The following NALCN variants were observed in gnomAD, a reference collection of about 807,000 sequenced individuals.
The protein encoded by NALCN is sodium leak channel, non-selective, also known as sodium leak channel NALCN.
A neutral mutation model predicts 225.3 loss-of-function variants in NALCN; 111 were observed. The observed-to-expected ratio is 0.49, with a 90% confidence interval of 0.42 to 0.58. The LOEUF is 0.58. Among genes scored for constraint, NALCN ranks in the 20% least tolerant of loss-of-function variants. NALCN has a pLI of 0.00. For synonymous variants in NALCN, 764 were observed against 769.0 expected (o/e 0.99, Z 0.11); for missense variants, 1,378 against 2,202.4 (o/e 0.63, Z 7.49).
At chr13:101,215,415 A>G (rs1334045455) in intron 13 of NALCN, among the ~76,000 whole-genome samples, 1 of 152,174 alleles carries the variant, frequency 6.6e-6, no homozygotes, top group East Asian at 1.9e-4. Flanking sequence ...AAGCAGCTTA[A>G]CACTCATTTG....
At chr13:101,338,217 G>A (rs543530883) in intron 7 of NALCN, among the ~76,000 whole-genome samples, 1 of 152,206 alleles carries the variant, frequency 6.6e-6, no homozygotes, top group Non-Finnish European at 1.5e-5. Context: ...TAGTGTTAAG[G>A]GCATATGTTG....
intron 7 of NALCN, among the ~76,000 whole-genome samples, chr13:101,294,225 G>A (rs541660039): frequency 2.0e-5 from 3 of 152,266 alleles, no homozygotes; most frequent in Admixed American, 6.5e-5. Flanking sequence ...TACAAACATA[G>A]AGTTAGATAG....
At chr13:101,314,284 A>T (rs1392803105) in intron 7 of NALCN, among the ~76,000 whole-genome samples, 1 of 152,118 alleles carries the variant, frequency 6.6e-6, no homozygotes, top group Non-Finnish European at 1.5e-5. Flanking sequence ...CACGTTGTGC[A>T]CATGTACCCT....
intron 27 of NALCN, among the ~76,000 whole-genome samples, chr13:101,097,530 A>C (rs1013910705): frequency 6.6e-6 from 1 of 152,182 alleles, no homozygotes; most frequent in African/African-American, 2.4e-5. Context: ...GTGAAAAGCC[A>C]GGGTGCCTGG....
At chr13:101,107,341 C>G in intron 22 of NALCN, 146 bp downstream of exon 22, 1 of 1,369,812 alleles carries the variant, frequency 7.3e-7, no homozygotes, top group Non-Finnish European at 9.9e-7. Context: ...GTCGGGTGTT[C>G]AGCAAAGAGG....
rs2030966276 is a variant in NALCN, at chr13:101,054,506, A to AACTC, written c.*785_*788dup. 1 of 152,186 alleles carries AACTC rather than the reference A, an allele frequency of 6.6e-6. No individual in the cohort carries two copies. Among genetic ancestry groups the AACTC allele is most frequent in the Non-Finnish European group, 1.5e-5 (1 of 68,032 alleles). The allele number at this position is 152,186 out of a possible 1,614,324, so 9.4% of individuals were successfully genotyped here. A position where few individuals can be genotyped will look rare whatever the true frequency, so the allele number is the denominator to read the frequency against. ...CTATATAGTTTTATTCTTTTTGCTA[A>AACTC]ACTCAGTTATTAAAAGGTTTCTTAA... On this transcript the variant is annotated 3_prime_UTR_variant, in exon 44 of 44. Coordinates refer to ENST00000251127, the MANE Select transcript of NALCN (RefSeq NM_052867.4).
At chr13:101,074,365 A>T in intron 36 of NALCN, 149 bp downstream of exon 36, 1 of 640,474 alleles carries the variant, frequency 1.6e-6, no homozygotes, top group Non-Finnish European at 2.3e-6. Context: ...AATATCATTT[A>T]AAACTTGGCT....
intron 6 of NALCN, among the ~76,000 whole-genome samples, chr13:101,346,087 C>CTCTCTCTCTCTCTCTATATATATA: frequency 2.5e-3 from 174 of 70,892 alleles, no homozygotes; most frequent in Admixed American, 3.3e-3. Flanking sequence ...CTCTCTCTCT[C>CTCTCTCTCTCTCTCTATATATATA]TATATATATA....
chr13:101,233,167 T>C (rs561950739), intron 12 of NALCN, among the ~76,000 whole-genome samples: 1 of 152,306 alleles, frequency 6.6e-6, no homozygotes, highest in South Asian at 2.1e-4. Flanking sequence ...CAACATGAAG[T>C]AAACCATACT....
At chr13:101,364,833 C>T (rs2046338055) in intron 6 of NALCN, among the ~76,000 whole-genome samples, 1 of 152,090 alleles carries the variant, frequency 6.6e-6, no homozygotes, top group African/African-American at 2.4e-5. Flanking sequence ...ATCGAAATAT[C>T]ATATGTACTC....
At chr13:101,332,330 G>A (rs1326431788) in intron 7 of NALCN, among the ~76,000 whole-genome samples, 3 of 95,216 alleles carry the variant, frequency 3.2e-5, no homozygotes, top group Admixed American at 1.3e-4. Context: ...AGACAGCAAA[G>A]ACAAAGGGTA....
At chr13:101,328,406 G>C (rs2045040451) in intron 7 of NALCN, among the ~76,000 whole-genome samples, 1 of 151,908 alleles carries the variant, frequency 6.6e-6, no homozygotes, top group African/African-American at 2.4e-5. Flanking sequence ...CTGCTTCCCA[G>C]GCTTAAGCCA....
At chr13:101,355,804 A>G (rs1282353857) in intron 6 of NALCN, among the ~76,000 whole-genome samples, 1 of 152,152 alleles carries the variant, frequency 6.6e-6, no homozygotes, top group East Asian at 1.9e-4. Flanking sequence ...TGGAAGTAAA[A>G]CACTGCTCAG....
At chr13:101,234,295 C>T (rs1221601470) in intron 12 of NALCN, among the ~76,000 whole-genome samples, 1 of 152,192 alleles carries the variant, frequency 6.6e-6, no homozygotes, top group East Asian at 1.9e-4. Flanking sequence ...GGAACAGTGG[C>T]TGACACATAG....
At chr13:101,376,200 C>G (rs1471227764) in intron 6 of NALCN, among the ~76,000 whole-genome samples, 21 of 152,092 alleles carry the variant, frequency 1.4e-4, no homozygotes, top group Non-Finnish European at 2.9e-5. Flanking sequence ...AAAGCTTCCA[C>G]AGTGAAGCTC....
intron 11 of NALCN, among the ~76,000 whole-genome samples, chr13:101,257,034 A>C (rs2042254768): frequency 6.6e-6 from 1 of 152,130 alleles, no homozygotes; most frequent in Non-Finnish European, 1.5e-5. Context: ...AAGTTCTGGG[A>C]TTACGGGCGT....
chr13:101,360,249 T>C lies in NALCN; in HGVS notation c.645-14829A>G, dbSNP rs1448886941. On this transcript the variant is annotated intron_variant, in intron 6 of 43. Coordinates refer to ENST00000251127, the MANE Select transcript of NALCN (RefSeq NM_052867.4). ...CTCTCTCCTTCCTTCCTTCCTTCCT[T>C]CGATGGAGTTTCACTCTGTGACCCA... Among the ~76,000 whole-genome samples, 5 of 143,582 alleles carry C rather than the reference T, an allele frequency of 3.5e-5. No individual in the cohort carries two copies. In the Admixed American group the frequency reaches 3.6e-4, roughly 10 times the overall value. The allele number at this position is 143,582 out of a possible 152,430, so 94.2% of individuals were successfully genotyped here.
chr13:101,372,192 T>G (rs1285826622), intron 6 of NALCN, among the ~76,000 whole-genome samples: 3 of 152,028 alleles, frequency 2.0e-5, no homozygotes, highest in African/African-American at 7.2e-5. Context: ...AAGTTGAAAA[T>G]TATAGAAAGC....
chr13:101,389,408 G>A (rs2047080047), intron 3 of NALCN, among the ~76,000 whole-genome samples: 1 of 152,184 alleles, frequency 6.6e-6, no homozygotes, highest in South Asian at 2.1e-4. Context: ...CCAAGAAACT[G>A]CAGAAAGATC....
Sources: allele counts gnomAD v4.1 joint callset (sites outside exome capture counted in the v4.1 genomes callset), GRCh38; gene constraint gnomAD v4.1.1; transcripts MANE v1.5; gene names NCBI Gene and HGNC (gene_info 2026-07-23, HGNC 2026-07-21).